The following IARS1 variants were observed in gnomAD, a reference collection of about 807,000 sequenced individuals.
IARS1 encodes isoleucyl-tRNA synthetase 1.
IARS1 carries 124 observed loss-of-function variants against 168.2 expected under a neutral mutation model. That is an observed-to-expected ratio of 0.74 (90% CI 0.64 to 0.86). IARS1 has a LOEUF of 0.86. IARS1 is among the 40% of genes least tolerant of loss of function. The probability of loss-of-function intolerance (pLI) is 0.00; values close to 1 mark genes in which losing one functional copy is unlikely to be tolerated. For synonymous variants in IARS1, 532 were observed against 529.4 expected (o/e 1.00, Z -0.07); for missense variants, 1,452 against 1,515.8 (o/e 0.96, Z 0.70).
chr9:92,238,660 T>G (rs72750432), intron 30 of IARS1, among the ~76,000 whole-genome samples: 4,658 of 152,322 alleles, frequency 0.031, 110 homozygotes, highest in South Asian at 0.079. Flanking sequence ...ATACAGTTAC[T>G]TAAAACATAT....
intron 9 of IARS1, among the ~76,000 whole-genome samples, chr9:92,275,484 T>A (rs1392333631): frequency 6.6e-6 from 1 of 152,218 alleles, no homozygotes; most frequent in Non-Finnish European, 1.5e-5. Flanking sequence ...AAAATTTTAA[T>A]TGTTGTAACC....
chr9:92,247,246 A>AAGGAC (rs1393021394), intron 26 of IARS1, 131 bp downstream of exon 26: 9 of 696,282 alleles, frequency 1.3e-5, no homozygotes, highest in Middle Eastern at 5.3e-4. Context: ...AAGGAAAGGA[A>AAGGAC]AGGACAGGAC....
chr9:92,264,812 G>A (rs1832049003), intron 16 of IARS1, 117 bp downstream of exon 16: 4 of 897,370 alleles, frequency 4.5e-6, no homozygotes, highest in East Asian at 2.7e-5. Context: ...AATGTAGCCT[G>A]TCTTATTTGC....
chr9:92,225,482 A>G (rs553477590), intron 31 of IARS1, among the ~76,000 whole-genome samples: 19 of 152,316 alleles, frequency 1.2e-4, no homozygotes, highest in African/African-American at 4.1e-4. Context: ...AGAAATCAAC[A>G]TCACCCAAAG....
chr9:92,247,019 C>A (rs972501617), intron 26 of IARS1, among the ~76,000 whole-genome samples: 1 of 152,072 alleles, frequency 6.6e-6, no homozygotes, highest in Non-Finnish European at 1.5e-5. Flanking sequence ...CATGGTGAAA[C>A]CCTGTTTCTA....
At chr9:92,288,561 C>T (rs1038254706) in intron 2 of IARS1, among the ~76,000 whole-genome samples, 2 of 152,080 alleles carry the variant, frequency 1.3e-5, no homozygotes, top group African/African-American at 4.8e-5. Context: ...GTTATCTCAT[C>T]AGTAAAATAG....
At chr9:92,224,432 C>G (rs530397949) in intron 31 of IARS1, among the ~76,000 whole-genome samples, 1 of 152,142 alleles carries the variant, frequency 6.6e-6, no homozygotes, top group African/African-American at 2.4e-5. Context: ...CTGGACTAAA[C>G]GAGAACAGCC....
Position 92,261,853 on chromosome 9 carries a change from C to T in IARS1, c.1787+1116G>A, listed in dbSNP as rs1228263952. Among the ~76,000 whole-genome samples the T allele has an allele frequency of 5.3e-5, 8 of 151,892 alleles. No individual in the cohort carries two copies. In the South Asian group the frequency reaches 6.2e-4, roughly 12 times the overall value. On this transcript the variant is annotated intron_variant, in intron 17 of 33. Transcript: ENST00000443024. ...CCAACCTCTGCCTCCCAGGTTCAAG[C>T]GATTCTTGTGCCTCAGCCTCCCAGG...
At position 92,247,111 on chromosome 9, in the gene IARS1, T is replaced by C. The variant is rs55894730; in HGVS notation, c.2791+266A>G. ...TGGGAGGCTGAGGCAGGAGAATCACTTGAACCTGGGAGGCAGAGGTTGCAG... is the reference window on the plus strand; with the variant it reads ...TGGGAGGCTGAGGCAGGAGAATCACCTGAACCTGGGAGGCAGAGGTTGCAG... On this transcript the variant is annotated intron_variant, in intron 26 of 33. Transcript: ENST00000443024. Among the ~76,000 whole-genome samples, 17,071 of 151,972 alleles carry C rather than the reference T, an allele frequency of 0.11. 1,100 individuals are homozygous for C. The highest frequency in any genetic ancestry group is 0.21 in the South Asian group (1,031 of 4,802).
chr9:92,220,168 A>T (rs1359108342), intron 33 of IARS1, among the ~76,000 whole-genome samples: 1 of 148,890 alleles, frequency 6.7e-6, no homozygotes, highest in Non-Finnish European at 1.5e-5. Flanking sequence ...TATCGCAAGA[A>T]CAAAAAACCA....
chr9:92,290,953 T>C (rs1032004227), intron 1 of IARS1, among the ~76,000 whole-genome samples: 5 of 152,168 alleles, frequency 3.3e-5, no homozygotes, highest in African/African-American at 1.2e-4. Flanking sequence ...CATTCAAATA[T>C]AGATTCCAGT....
At chr9:92,218,222 C>T (rs1587691569) in intron 33 of IARS1, among the ~76,000 whole-genome samples, 1 of 144,746 alleles carries the variant, frequency 6.9e-6, no homozygotes, top group African/African-American at 2.6e-5. Flanking sequence ...CAAAATTCAA[C>T]AACCCTTCAT....
chr9:92,269,896 G>T lies in IARS1; in HGVS notation c.1293C>A (p.Asp431Glu). 6.2e-7 allele frequency: 1 copy of T among 1,610,808 alleles called. No homozygotes were observed. Among genetic ancestry groups the T allele is most frequent in the Non-Finnish European group, 8.5e-7 (1 of 1,177,118 alleles). The change falls in exon 13 of 34, where the codon GAC (aspartate) becomes GAA (glutamate). Residue 431 changes from aspartate to glutamate, a missense_variant. Transcript: ENST00000443024. ...NMVDQLLRNN[D>E]LCYWVPELVR... ...ATCTTACTGCTCACCAGTAGCACAG[G>T]TCATTGTTCCTTAGGAGCTGGTCCA...
Position 92,252,042 on chromosome 9 carries a change from T to C in IARS1, c.2230-157A>G, listed in dbSNP as rs904873347. On this transcript the variant is annotated intron_variant, in intron 21 of 33. Coordinates refer to ENST00000443024, the MANE Select transcript of IARS1 (RefSeq NM_002161.6). ...GAGAAAGGGCCACGACCACAGGCCA[T>C]CCACGGTCAGTGCCACCAGGGTGGC... Among the ~76,000 whole-genome samples, 15 of 152,210 alleles carry C rather than the reference T, an allele frequency of 9.9e-5. 1 individual carries two copies. The highest frequency in any genetic ancestry group is 3.6e-4 in the African/African-American group (15 of 41,460).
At position 92,270,735 on chromosome 9, in the gene IARS1, G is replaced by A. The variant is rs1303099686; in HGVS notation, c.1205+250C>T. 2.0e-5 allele frequency among the ~76,000 whole-genome samples: 3 copies of A among 152,122 alleles called. 1 individual carries two copies. Among genetic ancestry groups the A allele is most frequent in the African/African-American group, 7.2e-5 (3 of 41,402 alleles). ...TGCTTAAGCCGGGGAGGTGGAGGGTGCAGTGAGCTGTGATTGCACCACTGC... is the reference window on the plus strand; with the variant it reads ...TGCTTAAGCCGGGGAGGTGGAGGGTACAGTGAGCTGTGATTGCACCACTGC... On this transcript the variant is annotated intron_variant, in intron 12 of 33. Coordinates refer to ENST00000443024, the MANE Select transcript of IARS1 (RefSeq NM_002161.6).
intron 30 of IARS1, 100 bp from the exon 31 acceptor site, chr9:92,229,226 T>A (rs1206261729): frequency 1.5e-5 from 19 of 1,239,084 alleles, no homozygotes; most frequent in Non-Finnish European, 2.0e-5. Context: ...CAAGCCCTAA[T>A]ATTTTTCCTT....
At chr9:92,223,224 G>GT (rs1219913048) in intron 32 of IARS1, 122 bp downstream of exon 32, 1 of 808,430 alleles carries the variant, frequency 1.2e-6, no homozygotes, top group African/African-American at 1.7e-5. Context: ...CCAAAGTTGC[G>GT]TGAGAGCCCA....
chr9:92,282,380 G>A (rs565941730), intron 6 of IARS1, among the ~76,000 whole-genome samples: 4 of 151,780 alleles, frequency 2.6e-5, no homozygotes, highest in East Asian at 3.9e-4. Context: ...TCAGCTCACT[G>A]CAACCCCCAC....
chr9:92,224,618 G>C (rs1825348422), intron 31 of IARS1, among the ~76,000 whole-genome samples: 1 of 152,160 alleles, frequency 6.6e-6, no homozygotes. Context: ...GGGGAGGACT[G>C]CTTGAGGCCA....
Sources: gnomAD v4.1 joint callset for allele counts (sites outside exome capture counted in the v4.1 genomes callset) on GRCh38, gnomAD v4.1.1 for gene constraint, MANE v1.5 for transcripts, NCBI Gene and HGNC (gene_info 2026-07-23, HGNC 2026-07-21) for gene names.